The following NRXN3 variants were observed in gnomAD, a reference collection of about 807,000 sequenced individuals.
The protein encoded by NRXN3 is neurexin 3, also known as neurexin III.
A neutral mutation model predicts 137.6 loss-of-function variants in NRXN3; 32 were observed. The observed-to-expected ratio is 0.23, with a 90% confidence interval of 0.18 to 0.31. The LOEUF is 0.31. Among genes scored for constraint, NRXN3 ranks in the 10% least tolerant of loss-of-function variants. NRXN3 has a pLI of 1.00. For missense variants in NRXN3, 1,574 were observed against 2,062.5 expected, an observed-to-expected ratio of 0.76 and a Z score of 4.59; for synonymous variants, 798 against 784.5, an observed-to-expected ratio of 1.02 and a Z score of -0.29.
At chr14:78,513,225 C>T (rs1385192385) in intron 4 of NRXN3, among the ~76,000 whole-genome samples, 1 of 152,164 alleles carries the variant, frequency 6.6e-6, no homozygotes. Flanking sequence ...CTTCTCTAAG[C>T]CTTAATTGTG....
rs1182906526 is a variant in NRXN3, at chr14:79,146,353, A to T, written c.3262+158212A>T. Among the ~76,000 whole-genome samples the T allele has an allele frequency of 2.0e-5, 3 of 152,200 alleles. No individual in the cohort carries two copies. In the South Asian group the frequency reaches 6.2e-4, roughly 32 times the overall value. ...AGACAACACAACACCAAGGCTCTTA[A>T]GGAATCCTCTGGACTTGAGTGTATG... On this transcript the variant is annotated intron_variant, in intron 15 of 20. Transcript: ENST00000335750.
chr14:79,643,276 G>A (rs183830511), intron 16 of NRXN3, among the ~76,000 whole-genome samples: 2 of 135,786 alleles, frequency 1.5e-5, no homozygotes, highest in African/African-American at 4.9e-5. Context: ...CAGTATAGCT[G>A]CTACTATTCC....
chr14:78,198,977 G>A (rs567451799), intron 1 of NRXN3, among the ~76,000 whole-genome samples: 2 of 152,326 alleles, frequency 1.3e-5, no homozygotes, highest in East Asian at 3.9e-4. Context: ...AAAAACCTCT[G>A]ACCAGTTTCT....
chr14:79,050,552 G>T (rs1284985823), intron 15 of NRXN3, among the ~76,000 whole-genome samples: 1 of 152,226 alleles, frequency 6.6e-6, no homozygotes, highest in Admixed American at 6.5e-5. Flanking sequence ...GACTAGATGA[G>T]AATCTGATGG....
chr14:79,760,955 C>A (rs920778822), intron 19 of NRXN3, among the ~76,000 whole-genome samples: 7 of 151,406 alleles, frequency 4.6e-5, no homozygotes, highest in African/African-American at 1.5e-4. Flanking sequence ...CACTTCATAA[C>A]CCTTTTCCAT....
intron 19 of NRXN3, among the ~76,000 whole-genome samples, chr14:79,796,847 T>C (rs2099162480): frequency 6.6e-6 from 1 of 152,182 alleles, no homozygotes; most frequent in Non-Finnish European, 1.5e-5. Context: ...TCCTATGTAG[T>C]CTGCTGTCTT....
At chr14:79,263,412 C>T (rs969867994) in intron 15 of NRXN3, among the ~76,000 whole-genome samples, 8 of 152,152 alleles carry the variant, frequency 5.3e-5, no homozygotes, top group Middle Eastern at 3.4e-3. Context: ...TGATAAAATC[C>T]GGGGAAAACA....
intron 17 of NRXN3, among the ~76,000 whole-genome samples, chr14:79,674,243 ATTCT>A (rs1174293258): frequency 2.0e-5 from 3 of 152,012 alleles, no homozygotes; most frequent in East Asian, 1.9e-4. Flanking sequence ...TGACCATGGA[ATTCT>A]TTCTTTTACT....
At chr14:78,705,661 G>C (rs1244977693) in intron 6 of NRXN3, among the ~76,000 whole-genome samples, 1 of 152,216 alleles carries the variant, frequency 6.6e-6, no homozygotes, top group African/African-American at 2.4e-5. Flanking sequence ...CTTGACAACA[G>C]CCCTGTGAGC....
chr14:78,343,661 A>G (rs543631833), intron 4 of NRXN3, among the ~76,000 whole-genome samples: 22 of 152,220 alleles, frequency 1.4e-4, no homozygotes, highest in Non-Finnish European at 2.9e-4. Context: ...TTCAGTCTCA[A>G]TTAAAAATCT....
intron 16 of NRXN3, among the ~76,000 whole-genome samples, chr14:79,589,602 G>C (rs911727549): frequency 7.0e-5 from 9 of 128,126 alleles, no homozygotes; most frequent in Non-Finnish European, 1.5e-4. Context: ...GATAGTAAAA[G>C]AGAAGTGGAT....
chr14:79,034,495 T>C (rs368705767), intron 15 of NRXN3, among the ~76,000 whole-genome samples: 2 of 152,062 alleles, frequency 1.3e-5, no homozygotes, highest in African/African-American at 4.8e-5. Flanking sequence ...CTGAGCCCCG[T>C]TGTACCATCT....
At chr14:78,712,842 C>A (rs992018841) in intron 7 of NRXN3, among the ~76,000 whole-genome samples, 1 of 152,190 alleles carries the variant, frequency 6.6e-6, no homozygotes, top group Non-Finnish European at 1.5e-5. Flanking sequence ...GGATTACAGG[C>A]GTGAGCCACC....
At chr14:79,161,303 T>C (rs2060743764) in intron 15 of NRXN3, among the ~76,000 whole-genome samples, 2 of 151,966 alleles carry the variant, frequency 1.3e-5, no homozygotes, top group South Asian at 2.1e-4. Flanking sequence ...ATTTGTAAGA[T>C]AGATACTTGG....
At chr14:79,404,017 G>A (rs1456356615) in intron 15 of NRXN3, among the ~76,000 whole-genome samples, 1 of 152,158 alleles carries the variant, frequency 6.6e-6, no homozygotes, top group African/African-American at 2.4e-5. Context: ...GACAATCTAG[G>A]CAATGCCATT....
chr14:79,061,702 A>T (rs142818145), intron 15 of NRXN3, among the ~76,000 whole-genome samples: 10 of 152,294 alleles, frequency 6.6e-5, no homozygotes, highest in Admixed American at 2.6e-4. Context: ...GGCATCAAGG[A>T]TTACCTTGGT....
At chr14:79,672,532 G>GT (rs2098614788) in intron 17 of NRXN3, among the ~76,000 whole-genome samples, 2 of 151,982 alleles carry the variant, frequency 1.3e-5, no homozygotes, top group African/African-American at 4.8e-5. Context: ...CTCCCTCTAT[G>GT]TGAGGCATCA....
chr14:78,346,908 T>G (rs1050340877), intron 4 of NRXN3, among the ~76,000 whole-genome samples: 1 of 152,140 alleles, frequency 6.6e-6, no homozygotes, highest in African/African-American at 2.4e-5. Context: ...CAGTCATGTT[T>G]TTACGTGCAG....
At chr14:79,665,028 A>G (rs2098551332) in intron 17 of NRXN3, among the ~76,000 whole-genome samples, 1 of 152,178 alleles carries the variant, frequency 6.6e-6, no homozygotes, top group African/African-American at 2.4e-5. Context: ...AATAATGGTT[A>G]TGCTTGTGAG....
Sources: allele counts gnomAD v4.1 joint callset (sites outside exome capture counted in the v4.1 genomes callset), GRCh38; gene constraint gnomAD v4.1.1; transcripts MANE v1.5; gene names NCBI Gene and HGNC (gene_info 2026-07-23, HGNC 2026-07-21).